NXPH1: variants seen among roughly 807,000 people sequenced by gnomAD.
The protein encoded by NXPH1 is neurexophilin-1.
NXPH1 carries 5 observed loss-of-function variants against 23.7 expected under a neutral mutation model. The ratio of observed to expected loss-of-function variants is 0.21; its 90% CI spans 0.11 to 0.44. The LOEUF is 0.44. Ranked by LOEUF, NXPH1 falls within the 20% of genes least tolerant of loss-of-function variation. The pLI is 0.99. For synonymous variants in NXPH1, 144 were observed against 122.2 expected (o/e 1.18, Z -1.18); for missense variants, 324 against 321.6 (o/e 1.01, Z -0.06).
At position 8,750,137 on chromosome 7, in the gene NXPH1, A is replaced by G. The variant is rs1780539206; in HGVS notation, c.55-871A>G. Among the ~76,000 whole-genome samples, 2 of 152,176 alleles carry G rather than the reference A, an allele frequency of 1.3e-5. 1 individual carries two copies. The highest frequency in any genetic ancestry group is 2.9e-5 in the Non-Finnish European group (2 of 68,014). ...GTTAAGCCCTGCAAGGTAAAAAATT[A>G]TGTCTTATTCAATATATTCATTGCT... On this transcript the variant is annotated intron_variant, in intron 2 of 2. Coordinates refer to ENST00000405863, the MANE Select transcript of NXPH1 (RefSeq NM_152745.3).
chr7:8,579,800 C>T (rs945407403), intron 2 of NXPH1, among the ~76,000 whole-genome samples: 1 of 152,186 alleles, frequency 6.6e-6, no homozygotes, highest in African/African-American at 2.4e-5. Flanking sequence ...GCATAGATCA[C>T]AGGGGCTATC....
intron 2 of NXPH1, among the ~76,000 whole-genome samples, chr7:8,461,752 C>G (rs2128606911): frequency 6.8e-6 from 1 of 146,282 alleles, no homozygotes; most frequent in East Asian, 2.1e-4. Flanking sequence ...ATGGCGTGAA[C>G]CCGGGAGGCG....
intron 2 of NXPH1, among the ~76,000 whole-genome samples, chr7:8,498,015 A>G (rs1817367571): frequency 6.6e-6 from 1 of 152,100 alleles, no homozygotes; most frequent in Non-Finnish European, 1.5e-5. Context: ...TCCTTATAGC[A>G]GTAGTATTAA....
At chr7:8,704,069 T>A (rs1049104812) in intron 2 of NXPH1, among the ~76,000 whole-genome samples, 1 of 152,170 alleles carries the variant, frequency 6.6e-6, no homozygotes, top group African/African-American at 2.4e-5. Context: ...GGAGGAGATA[T>A]GTAATGATAT....
chr7:8,562,794 A>C (rs1177731358), intron 2 of NXPH1, among the ~76,000 whole-genome samples: 3 of 151,718 alleles, frequency 2.0e-5, no homozygotes, highest in African/African-American at 7.2e-5. Context: ...AAAAATGTGT[A>C]TTGGTATGTG....
At chr7:8,724,661 CCTT>C in intron 2 of NXPH1, among the ~76,000 whole-genome samples, 1 of 152,138 alleles carries the variant, frequency 6.6e-6, no homozygotes, top group East Asian at 1.9e-4. Context: ...GTATGAATAC[CCTT>C]CTTTGATTTA....
Position 8,566,006 on chromosome 7 carries a change from T to C in NXPH1, c.54+130239T>C, listed in dbSNP as rs539403737. Among the ~76,000 whole-genome samples, 8 of 151,948 alleles carry C rather than the reference T, an allele frequency of 5.3e-5. No homozygotes were observed. The East Asian group carries it at 1.4e-3, about 26-fold the overall frequency. ...GTTTCCCTTGGAAATTCTGTTGGTT[T>C]GGGGCACCCTGGTTACTCCAAAGTA... On this transcript the variant is annotated intron_variant, in intron 2 of 2. Transcript: ENST00000405863.
At chr7:8,438,873 A>T (rs1459345217) in intron 2 of NXPH1, among the ~76,000 whole-genome samples, 2 of 152,128 alleles carry the variant, frequency 1.3e-5, no homozygotes, top group South Asian at 4.2e-4. Context: ...TCAAAATAGA[A>T]GCTTATTTTA....
intron 2 of NXPH1, among the ~76,000 whole-genome samples, chr7:8,449,248 T>G (rs559586331): frequency 6.6e-6 from 1 of 152,326 alleles, no homozygotes; most frequent in East Asian, 1.9e-4. Flanking sequence ...TCTCATATGC[T>G]GCTAAAAATA....
chr7:8,700,141 A>G (rs1779599316), intron 2 of NXPH1, among the ~76,000 whole-genome samples: 1 of 152,182 alleles, frequency 6.6e-6, no homozygotes, highest in Non-Finnish European at 1.5e-5. Flanking sequence ...AGAAACTGTC[A>G]TCGTTTCTTT....
At chr7:8,673,786 G>T (rs563847870) in intron 2 of NXPH1, among the ~76,000 whole-genome samples, 16 of 151,998 alleles carry the variant, frequency 1.1e-4, no homozygotes, top group East Asian at 1.9e-4. Context: ...ATCATTATTA[G>T]TAGTAGTAGC....
intron 2 of NXPH1, among the ~76,000 whole-genome samples, chr7:8,655,400 TTCTCTCTCTCTCTCTCTCTCTC>T (rs869162322): frequency 4.7e-5 from 2 of 42,894 alleles, no homozygotes; most frequent in African/African-American, 1.4e-4. Context: ...GTCTTTGTCT[TTCTCTCTCTCTCTCTCTCTCTC>T]TCTCTCTCTC....
intron 2 of NXPH1, among the ~76,000 whole-genome samples, chr7:8,709,165 C>T (rs1216777376): frequency 6.6e-6 from 1 of 152,190 alleles, no homozygotes; most frequent in Non-Finnish European, 1.5e-5. Context: ...CTTTTGAACA[C>T]TGTTGATTGT....
chr7:8,706,891 G>T (rs1389714563), intron 2 of NXPH1, among the ~76,000 whole-genome samples: 1 of 152,114 alleles, frequency 6.6e-6, no homozygotes, highest in Non-Finnish European at 1.5e-5. Context: ...ATGTTTTTGA[G>T]ATGCAGAATG....
At chr7:8,673,118 C>T (rs1820896130) in intron 2 of NXPH1, among the ~76,000 whole-genome samples, 1 of 152,072 alleles carries the variant, frequency 6.6e-6, no homozygotes, top group South Asian at 2.1e-4. Flanking sequence ...GGCATTATTG[C>T]TCTATTTTCA....
chr7:8,466,446 T>C (rs1816787595), intron 2 of NXPH1, among the ~76,000 whole-genome samples: 1 of 152,182 alleles, frequency 6.6e-6, no homozygotes, highest in Non-Finnish European at 1.5e-5. Flanking sequence ...CTCTTTGCAA[T>C]TTTAATTATG....
At chr7:8,635,915 A>G (rs1424728403) in intron 2 of NXPH1, among the ~76,000 whole-genome samples, 1 of 152,174 alleles carries the variant, frequency 6.6e-6, no homozygotes, top group African/African-American at 2.4e-5. Context: ...CTATTTATAG[A>G]AAAAAAGTGC....
At chr7:8,492,287 C>T (rs963544337) in intron 2 of NXPH1, among the ~76,000 whole-genome samples, 8 of 151,982 alleles carry the variant, frequency 5.3e-5, no homozygotes, top group South Asian at 2.1e-4. Flanking sequence ...TGATGTCACT[C>T]TTATTAAGTT....
At chr7:8,465,151 A>T (rs954893609) in intron 2 of NXPH1, among the ~76,000 whole-genome samples, 11 of 152,256 alleles carry the variant, frequency 7.2e-5, no homozygotes, top group African/African-American at 2.4e-4. Flanking sequence ...TCTCCCCAAA[A>T]TCTAAAAGAA....
Sources: gnomAD v4.1 joint callset for allele counts (sites outside exome capture counted in the v4.1 genomes callset) on GRCh38, gnomAD v4.1.1 for gene constraint, MANE v1.5 for transcripts, NCBI Gene and HGNC (gene_info 2026-07-23, HGNC 2026-07-21) for gene names.